Variants in DRC11 observed in about 807,000 individuals in gnomAD.
The protein encoded by DRC11 is IQ and AAA domain-containing protein 1.
chr2:236,469,584 G>C, the DRC11 span, among the ~76,000 whole-genome samples: 4 of 152,196 alleles, frequency 2.6e-5, no homozygotes, highest in African/African-American at 4.8e-5. This position sits in a 1 kb window ranked among gnomAD's most constrained non-coding sequence, Gnocchi z 5.8. Flanking sequence ...ACACCATGCT[G>C]TGCTGTTAGT....
the DRC11 span, among the ~76,000 whole-genome samples, chr2:236,372,922 G>A: frequency 1.3e-5 from 2 of 152,086 alleles, no homozygotes; most frequent in African/African-American, 4.8e-5. This position sits in a 1 kb window ranked among gnomAD's most constrained non-coding sequence, Gnocchi z 4.5. Context: ...AAAATTCTTT[G>A]CATTTTTTCT....
At chr2:236,492,526 G>C in the DRC11 span, among the ~76,000 whole-genome samples, 1 of 152,190 alleles carries the variant, frequency 6.6e-6, no homozygotes, top group African/African-American at 2.4e-5. Context: ...TGCAGGTGCT[G>C]GTTTACCCTG....
chr2:236,321,187 G>A, the DRC11 span, among the ~76,000 whole-genome samples: 8 of 151,882 alleles, frequency 5.3e-5, no homozygotes, highest in African/African-American at 7.3e-5. Context: ...ATATACCCAC[G>A]AAGACTATGT....
chr2:236,333,879 G>A, the DRC11 span, among the ~76,000 whole-genome samples: 4 of 152,252 alleles, frequency 2.6e-5, no homozygotes, highest in African/African-American at 7.2e-5. The surrounding 1 kb of genome is among the most constrained non-coding windows in gnomAD (Gnocchi z 6.0). Context: ...CAGTTTCTCC[G>A]AGCTGTGGAC....
chr2:236,392,169 T>C, the DRC11 span: 1 of 1,482,136 alleles, frequency 6.7e-7, no homozygotes. This position sits in a 1 kb window ranked among gnomAD's most constrained non-coding sequence, Gnocchi z 5.1. Context: ...GGTAGGTCAT[T>C]AGTAGGAAAT....
the DRC11 span, among the ~76,000 whole-genome samples, chr2:236,495,127 G>A: frequency 1.3e-5 from 2 of 152,290 alleles, no homozygotes; most frequent in Admixed American, 6.5e-5. This position sits in a 1 kb window ranked among gnomAD's most constrained non-coding sequence, Gnocchi z 5.6. Context: ...TGGATCACCT[G>A]AGGTCAGGAG....
chr2:236,338,989 T>A, the DRC11 span, among the ~76,000 whole-genome samples: 2 of 152,326 alleles, frequency 1.3e-5, no homozygotes, highest in East Asian at 3.9e-4. Flanking sequence ...GAGTCAGATC[T>A]GACCATGTTG....
chr2:236,486,455 T>C, the DRC11 span, among the ~76,000 whole-genome samples: 18 of 151,988 alleles, frequency 1.2e-4, no homozygotes, highest in South Asian at 2.1e-3. The surrounding 1 kb of genome is among the most constrained non-coding windows in gnomAD (Gnocchi z 5.7). Flanking sequence ...TTTCCATCTC[T>C]ATGATTCAGT....
At chr2:236,490,308 T>C in the DRC11 span, among the ~76,000 whole-genome samples, 1 of 152,100 alleles carries the variant, frequency 6.6e-6, no homozygotes. This position sits in a 1 kb window ranked among gnomAD's most constrained non-coding sequence, Gnocchi z 5.5. Context: ...CAAGGCCCCG[T>C]GGGTAAGAAG....
At chr2:236,399,529 C>T in the DRC11 span, 163 of 1,534,028 alleles carry the variant, frequency 1.1e-4, no homozygotes, top group African/African-American at 2.2e-4. This position sits in a 1 kb window ranked among gnomAD's most constrained non-coding sequence, Gnocchi z 7.0. Flanking sequence ...CAGGCAAGAC[C>T]GGGCAGCAAA....
At chr2:236,438,627 G>T in the DRC11 span, among the ~76,000 whole-genome samples, 4 of 151,974 alleles carry the variant, frequency 2.6e-5, no homozygotes, top group Non-Finnish European at 2.9e-5. Context: ...CTTGAGCAGT[G>T]GTTTATAGTT....
chr2:236,432,510 T>C, the DRC11 span, among the ~76,000 whole-genome samples: 7 of 152,318 alleles, frequency 4.6e-5, no homozygotes, highest in Non-Finnish European at 1.0e-4. Context: ...CATCTTTTCA[T>C]ATGTTGAACA....
At chr2:236,501,618 T>A in the DRC11 span, among the ~76,000 whole-genome samples, 1 of 152,054 alleles carries the variant, frequency 6.6e-6, no homozygotes, top group African/African-American at 2.4e-5. Flanking sequence ...GGTGTGAGTT[T>A]TCCAAAGTCC....
the DRC11 span, among the ~76,000 whole-genome samples, chr2:236,323,920 G>A: frequency 6.6e-6 from 1 of 151,796 alleles, no homozygotes; most frequent in South Asian, 2.1e-4. The surrounding 1 kb of genome is among the most constrained non-coding windows in gnomAD (Gnocchi z 6.4). Context: ...TCTTCACGTC[G>A]GCTTTCCCTT....
the DRC11 span, among the ~76,000 whole-genome samples, chr2:236,492,004 C>T: frequency 5.3e-5 from 8 of 152,302 alleles, no homozygotes; most frequent in African/African-American, 1.7e-4. Context: ...TAGCTTCCTG[C>T]TAAAAGGATG....
At chr2:236,408,261 C>T in the DRC11 span, 5 of 855,770 alleles carry the variant, frequency 5.8e-6, no homozygotes, top group Non-Finnish European at 1.0e-5. The surrounding 1 kb of genome is among the most constrained non-coding windows in gnomAD (Gnocchi z 5.5). Flanking sequence ...GGTAGCCTTT[C>T]TGCCCAGCAC....
At chr2:236,397,283 T>G in the DRC11 span, among the ~76,000 whole-genome samples, 7 of 152,214 alleles carry the variant, frequency 4.6e-5, no homozygotes, top group African/African-American at 1.7e-4. The surrounding 1 kb of genome is among the most constrained non-coding windows in gnomAD (Gnocchi z 5.0). Flanking sequence ...GCTCTCTGGC[T>G]CCTTTCTTCC....
At chr2:236,357,565 T>C in the DRC11 span, among the ~76,000 whole-genome samples, 1 of 127,358 alleles carries the variant, frequency 7.9e-6, no homozygotes, top group South Asian at 2.3e-4. Flanking sequence ...TATTTACATA[T>C]ATGCATAGTT....
the DRC11 span, among the ~76,000 whole-genome samples, chr2:236,435,622 AAG>A: frequency 9.9e-5 from 15 of 152,186 alleles, no homozygotes; most frequent in African/African-American, 3.6e-4. Context: ...AGAGAGCACA[AAG>A]GGGAAAATGC....
Sources: allele counts gnomAD v4.1 joint callset (sites outside exome capture counted in the v4.1 genomes callset), GRCh38; gene constraint gnomAD v4.1.1; non-coding constraint Gnocchi (gnomAD v3.1); transcripts MANE v1.5; gene names NCBI Gene and HGNC (gene_info 2026-07-23, HGNC 2026-07-21).